Variants in CCNB1 observed in about 807,000 individuals in gnomAD.
The protein encoded by CCNB1 is cyclin B1.
In CCNB1, 26 loss-of-function variants were observed where a neutral mutation model predicts 44.4. The ratio of observed to expected loss-of-function variants is 0.59; its 90% CI spans 0.43 to 0.81. The LOEUF (loss-of-function observed/expected upper bound fraction) is 0.81. Ranked by LOEUF, CCNB1 falls within the 40% of genes least tolerant of loss-of-function variation. CCNB1 has a pLI of 0.00. For missense variants in CCNB1, 477 were observed against 520.9 expected (o/e 0.92, Z 0.82); for synonymous variants, 195 against 181.4 (o/e 1.08, Z -0.60).
chr5:69,167,472 A>T, intron 1 of CCNB1, 189 bp downstream of exon 1: 1 of 596,264 alleles, frequency 1.7e-6, no homozygotes, highest in Non-Finnish European at 3.0e-6. Flanking sequence ...GGGACGATGG[A>T]TGGAGGGAGG....
Position 69,174,452 on chromosome 5 carries a change from G to A in CCNB1, c.705+43G>A, listed in dbSNP as rs199672630. 74 of 1,591,228 alleles carry A rather than the reference G, an allele frequency of 4.7e-5. 1 individual carries two copies. The South Asian group carries it at 6.7e-4, about 14-fold the overall frequency. On this transcript the variant is annotated intron_variant, in intron 5 of 8. Transcript: ENST00000256442. Reference sequence around the variant, plus strand: ...AGTTTTCCCTTCCAGGATTCTAGCCGAGTCATAAGAAACTGATGTTTTCAG... The same window carrying A: ...AGTTTTCCCTTCCAGGATTCTAGCCAAGTCATAAGAAACTGATGTTTTCAG...
At chr5:69,167,449 T>TGA (rs1021654635) in intron 1 of CCNB1, 166 bp downstream of exon 1, 2 of 653,584 alleles carry the variant, frequency 3.1e-6, no homozygotes, top group Non-Finnish European at 5.4e-6. Context: ...CCAGGCCTGG[T>TGA]GAGAGAGTGT....
In CCNB1 at chr5:69,177,337, T is replaced by G. The variant is rs543590011; in HGVS notation, c.1182T>G (p.Leu394=). 1.2e-6 allele frequency: 2 copies of G among 1,602,046 alleles called. No homozygotes were observed. Among genetic ancestry groups the G allele is most frequent in the South Asian group, 2.2e-5 (2 of 90,802 alleles). The change falls in exon 8 of 9, where the codon CTT becomes CTG. Residue 394 remains leucine, a synonymous_variant. Transcript: ENST00000256442. ...AKNVVMVNQG[L]TKHMTVKNKY... ...ATGTAGTCATGGTAAATCAAGGACT[T>G]ACAAAGCACATGGTGAGTCAATATA... is the stretch of plus-strand genomic sequence containing the variant.
chr5:69,167,159 C>G lies in CCNB1; in HGVS notation c.-104C>G. On this transcript the variant is annotated 5_prime_UTR_variant, in exon 1 of 9. Coordinates refer to ENST00000256442, the MANE Select transcript of CCNB1 (RefSeq NM_031966.4). ...TAGGCTGGCTCTTCTCGGCGTGCTG[C>G]GGCGGAACGGCTGTTGGTTTCTGCT... 1 of 936,316 alleles carries G rather than the reference C, an allele frequency of 1.1e-6. No individual in the cohort carries two copies. Among genetic ancestry groups the G allele is most frequent in the Non-Finnish European group, 1.6e-6 (1 of 630,372 alleles). The allele number at this position is 936,316 out of a possible 1,614,324, so 58.0% of individuals were successfully genotyped here. A position where few individuals can be genotyped will look rare whatever the true frequency, so the allele number is the denominator to read the frequency against.
Position 69,175,545 on chromosome 5 carries a change from G to GC in CCNB1, c.1083+8_1083+9insC. ...CTGGATAATGGTGAATGGGTAAGCT[G>GC]TGTCCCACAGAACTCCTAAGCTTTT... is the stretch of plus-strand genomic sequence containing the variant. On this transcript the variant is annotated intron_variant, in intron 7 of 8. Transcript: ENST00000256442. 1 of 1,612,392 alleles carries GC rather than the reference G, an allele frequency of 6.2e-7. No homozygotes were observed. Among genetic ancestry groups the GC allele is most frequent in the Non-Finnish European group, 8.5e-7 (1 of 1,179,508 alleles).
chr5:69,170,266 C>T (rs1263567778), intron 3 of CCNB1, among the ~76,000 whole-genome samples: 1 of 152,156 alleles, frequency 6.6e-6, no homozygotes, highest in Non-Finnish European at 1.5e-5. Flanking sequence ...CAAGCGTGAG[C>T]CACCATGCCC....
chr5:69,177,599 C>A lies in CCNB1; in HGVS notation c.1270C>A (p.Gln424Lys), dbSNP rs763253254. The A allele has an allele frequency of 2.5e-6, 4 of 1,612,882 alleles. No homozygotes were observed. The highest frequency in any genetic ancestry group is 8.5e-7 in the Non-Finnish European group (1 of 1,178,954). ...ACCACAGCTGAATTCTGCACTAGTT[C>A]AAGATTTAGCCAAGGCTGTGGCAAA... ...TLPQLNSALV[Q>K]DLAKAVAKV The change falls in exon 9 of 9, where the codon CAA (glutamine) becomes AAA (lysine). Residue 424 changes from glutamine to lysine, a missense_variant. Coordinates refer to ENST00000256442, the MANE Select transcript of CCNB1 (RefSeq NM_031966.4).
At chr5:69,175,150 A>C in intron 6 of CCNB1, 37 bp downstream of exon 6, 1 of 1,431,848 alleles carries the variant, frequency 7.0e-7, no homozygotes, top group Non-Finnish European at 9.8e-7. Context: ...GTATGGGTAC[A>C]TTAGGGGGAA....
intron 3 of CCNB1, among the ~76,000 whole-genome samples, chr5:69,168,839 G>C (rs926518074): frequency 6.6e-6 from 1 of 152,172 alleles, no homozygotes; most frequent in Non-Finnish European, 1.5e-5. Context: ...ATGCAAAGGA[G>C]TAAAACAGGA....
chr5:69,177,433 A>G (rs1747620880), intron 8 of CCNB1, 84 bp downstream of exon 8: 21 of 1,264,940 alleles, frequency 1.7e-5, no homozygotes, highest in Admixed American at 8.8e-5. Context: ...TTTATTTTTA[A>G]TGAGTTAATG....
intron 1 of CCNB1, 75 bp downstream of exon 1, chr5:69,167,358 C>T (rs1278611014): frequency 6.5e-7 from 1 of 1,549,626 alleles, no homozygotes; most frequent in Non-Finnish European, 8.8e-7. Flanking sequence ...CCTGCGGGAG[C>T]CTCCCGAGCG....
intron 4 of CCNB1, among the ~76,000 whole-genome samples, chr5:69,171,777 G>T (rs976891408): frequency 6.6e-6 from 1 of 152,122 alleles, no homozygotes; most frequent in Non-Finnish European, 1.5e-5. Context: ...TGCATTTTAG[G>T]TGATAACGGG....
At position 69,171,340 on chromosome 5, in the gene CCNB1, C is replaced by T. The variant is rs1747455445; in HGVS notation, c.434C>T (p.Ala145Val). ...CAPAEEDLCQAFSDVILAVND... is the reference protein window; with the variant it reads ...CAPAEEDLCQVFSDVILAVND... Reference sequence around the variant, plus strand: ...CCTGCAGAAGAAGACCTGTGTCAGGCTTTCTCTGATGTAATTCTTGCAGTA... The same window carrying T: ...CCTGCAGAAGAAGACCTGTGTCAGGTTTTCTCTGATGTAATTCTTGCAGTA... The change falls in exon 4 of 9, where the codon GCT (alanine) becomes GTT (valine). Residue 145 changes from alanine to valine, a missense_variant. By Grantham distance (64) the Ala-to-Val change is moderately conservative (BLOSUM62 0). Coordinates refer to ENST00000256442, the MANE Select transcript of CCNB1 (RefSeq NM_031966.4). 1 of 1,613,882 alleles carries T rather than the reference C, an allele frequency of 6.2e-7. No homozygotes were observed. The highest frequency in any genetic ancestry group is 8.5e-7 in the Non-Finnish European group (1 of 1,179,898).
At chr5:69,167,385 G>T in intron 1 of CCNB1, 102 bp downstream of exon 1, 1 of 1,370,978 alleles carries the variant, frequency 7.3e-7, no homozygotes, top group Admixed American at 1.7e-5. Context: ...GGCCGCAGGA[G>T]CGATTTGGGG....
intron 3 of CCNB1, among the ~76,000 whole-genome samples, chr5:69,170,175 G>GT (rs1245026611): frequency 2.0e-5 from 3 of 151,380 alleles, no homozygotes; most frequent in Admixed American, 6.6e-5. Context: ...TAGAGATGGA[G>GT]TTTCACGATG....
Position 69,174,292 on chromosome 5 carries a change from A to G in CCNB1, c.588A>G (p.Glu196=), listed in dbSNP as rs887352931. 2.5e-6 allele frequency: 4 copies of G among 1,614,164 alleles called. No homozygotes were observed. Among genetic ancestry groups the G allele is most frequent in the Non-Finnish European group, 3.4e-6 (4 of 1,180,030 alleles). ...GACCAAAATACCTACTGGGTCGGGA[A>G]GTCACTGGAAACATGAGAGCCATCC... The part of the protein sequence containing the change: ...AVRPKYLLGR[E]VTGNMRAILI... The change falls in exon 5 of 9, where the codon GAA becomes GAG. Residue 196 remains glutamate, a synonymous_variant. Coordinates refer to ENST00000256442, the MANE Select transcript of CCNB1 (RefSeq NM_031966.4).
chr5:69,167,795 C>G, intron 1 of CCNB1, 113 bp from the exon 2 acceptor site: 1 of 950,478 alleles, frequency 1.1e-6, no homozygotes, highest in Non-Finnish European at 1.6e-6. Flanking sequence ...CCTCGGAACC[C>G]ATTTTTAGTC....
chr5:69,167,869 T>G lies in CCNB1; in HGVS notation c.22-39T>G, dbSNP rs758600094. On this transcript the variant is annotated intron_variant, in intron 1 of 8. Coordinates refer to ENST00000256442, the MANE Select transcript of CCNB1 (RefSeq NM_031966.4). ...AATTAACCCTTGACTTACTCGAGCCTTCGTGGATCAGCTCTTAAAGTGGTC... is the reference window on the plus strand; with the variant it reads ...AATTAACCCTTGACTTACTCGAGCCGTCGTGGATCAGCTCTTAAAGTGGTC... 5 of 1,558,008 alleles carry G rather than the reference T, an allele frequency of 3.2e-6. No homozygotes were observed. In the East Asian group the frequency reaches 1.1e-4, roughly 35 times the overall value.
At chr5:69,176,260 C>G (rs1166165137) in intron 7 of CCNB1, among the ~76,000 whole-genome samples, 1 of 151,386 alleles carries the variant, frequency 6.6e-6, no homozygotes, top group Admixed American at 6.6e-5. Flanking sequence ...TTACTCCTTA[C>G]AGATGGAGAA....
Sources: allele counts gnomAD v4.1 joint callset (sites outside exome capture counted in the v4.1 genomes callset), GRCh38; gene constraint gnomAD v4.1.1; transcripts MANE v1.5; gene names NCBI Gene and HGNC (gene_info 2026-07-23, HGNC 2026-07-21).